Variants in ZFAND3 observed in about 807,000 individuals in gnomAD.
ZFAND3 encodes the protein zinc finger AN1-type containing 3, also known as AN1-type zinc finger protein 3.
In ZFAND3, 10 loss-of-function variants were observed where a neutral mutation model predicts 29.6. The ratio of observed to expected loss-of-function variants is 0.34; its 90% CI spans 0.21 to 0.57. The LOEUF (loss-of-function observed/expected upper bound fraction) is 0.57, where lower values mean the gene tolerates loss of function less well. ZFAND3 is among the 20% of genes least tolerant of loss of function. The pLI is 0.86. For missense variants in ZFAND3, 230 were observed against 304.5 expected (o/e 0.76, Z 1.82); for synonymous variants, 128 against 112.6 (o/e 1.14, Z -0.87).
At chr6:38,015,590 C>G (rs1262852793) in intron 2 of ZFAND3, among the ~76,000 whole-genome samples, 1 of 152,154 alleles carries the variant, frequency 6.6e-6, no homozygotes, top group African/African-American at 2.4e-5. Flanking sequence ...TGTTCATACC[C>G]TAGAACACTA....
chr6:38,130,567 G>T (rs566214019), intron 5 of ZFAND3, among the ~76,000 whole-genome samples: 1 of 152,266 alleles, frequency 6.6e-6, no homozygotes, highest in African/African-American at 2.4e-5. Context: ...CTACTGAGAT[G>T]ATCATGTGAT....
intron 2 of ZFAND3, among the ~76,000 whole-genome samples, chr6:38,060,618 A>AT (rs1183075360): frequency 6.6e-6 from 1 of 151,740 alleles, no homozygotes; most frequent in Non-Finnish European, 1.5e-5. Flanking sequence ...CCCTCAGCTC[A>AT]TTTTTTAAAA....
At chr6:37,831,454 G>A (rs1027506968) in intron 1 of ZFAND3, among the ~76,000 whole-genome samples, 9 of 152,308 alleles carry the variant, frequency 5.9e-5, no homozygotes, top group African/African-American at 2.2e-4. Flanking sequence ...AGCTATGCTA[G>A]GCAAGAGATA....
chr6:38,129,379 T>C (rs1311188542), intron 5 of ZFAND3, among the ~76,000 whole-genome samples: 2 of 152,254 alleles, frequency 1.3e-5, no homozygotes, highest in Non-Finnish European at 2.9e-5. Flanking sequence ...TTTTGGGTTA[T>C]TGGTCATGAA....
At chr6:38,096,392 C>T (rs962982668) in intron 4 of ZFAND3, among the ~76,000 whole-genome samples, 3 of 152,074 alleles carry the variant, frequency 2.0e-5, no homozygotes, top group Non-Finnish European at 2.9e-5. Context: ...AGGCTGATCT[C>T]GAACTCCTGA....
Position 38,154,355 on chromosome 6 carries a change from C to T in ZFAND3, c.*1966C>T, listed in dbSNP as rs1026634897. The T allele has an allele frequency of 3.4e-5, 33 of 978,366 alleles. No homozygotes were observed. The highest frequency in any genetic ancestry group is 2.9e-4 in the African/African-American group (16 of 54,786). The allele number at this position is 978,366 out of a possible 1,614,324, so 60.6% of individuals were successfully genotyped here. A position where few individuals can be genotyped will look rare whatever the true frequency, so the allele number is the denominator to read the frequency against. ...GGCCTGGGGGAGCGAAGCCCATGTTCGCTTCCTGACTTAGAGCTGGGGGGG... is the reference window on the plus strand; with the variant it reads ...GGCCTGGGGGAGCGAAGCCCATGTTTGCTTCCTGACTTAGAGCTGGGGGGG... On this transcript the variant is annotated 3_prime_UTR_variant, in exon 6 of 6. Transcript: ENST00000287218.
At chr6:38,031,962 G>C (rs1763570278) in intron 2 of ZFAND3, among the ~76,000 whole-genome samples, 1 of 151,606 alleles carries the variant, frequency 6.6e-6, no homozygotes. Flanking sequence ...CTCCCAAGTA[G>C]CTGGGACTAC....
At chr6:37,880,710 T>TTTA (rs1764876602) in intron 1 of ZFAND3, among the ~76,000 whole-genome samples, 1 of 151,796 alleles carries the variant, frequency 6.6e-6, no homozygotes, top group Non-Finnish European at 1.5e-5. Flanking sequence ...AGCTGTATAG[T>TTTA]TCTGAATCAC....
rs1189565798 is a variant in ZFAND3, at chr6:38,154,508, TAC to T, written c.*2125_*2126del. ...AACCCTTTTGTGTTCTAGATTTACT[TAC>T]ACACATAGCCTAGAGCTCAGTTTTA... On this transcript the variant is annotated 3_prime_UTR_variant, in exon 6 of 6. Coordinates refer to ENST00000287218, the MANE Select transcript of ZFAND3 (RefSeq NM_021943.3). The T allele has an allele frequency of 1.0e-6, 1 of 980,114 alleles. No homozygotes were observed. The highest frequency in any genetic ancestry group is 1.2e-6 in the Non-Finnish European group (1 of 824,818). The allele number at this position is 980,114 out of a possible 1,614,324, so 60.7% of individuals were successfully genotyped here.
intron 2 of ZFAND3, among the ~76,000 whole-genome samples, chr6:38,052,040 TAG>T (rs527660464): frequency 1.2e-3 from 187 of 152,316 alleles, no homozygotes; most frequent in Middle Eastern, 3.4e-3. Flanking sequence ...GTGAAGAATC[TAG>T]AGAATGTATA....
chr6:38,063,608 C>CT (rs1188417974), intron 3 of ZFAND3, among the ~76,000 whole-genome samples: 1 of 152,150 alleles, frequency 6.6e-6, no homozygotes, highest in Admixed American at 6.5e-5. Flanking sequence ...GGTGAAGAGA[C>CT]ATACTAGACA....
chr6:37,848,691 G>A (rs1764225206), intron 1 of ZFAND3, among the ~76,000 whole-genome samples: 1 of 152,210 alleles, frequency 6.6e-6, no homozygotes, highest in Non-Finnish European at 1.5e-5. Flanking sequence ...AGAGAGAGCT[G>A]TCTCGCTTAG....
chr6:38,028,977 T>C, intron 2 of ZFAND3, among the ~76,000 whole-genome samples: 1 of 152,208 alleles, frequency 6.6e-6, no homozygotes. Context: ...TGACCTTGTC[T>C]CTCATTACAG....
chr6:37,896,562 C>CTTTCTTTCTT (rs1554153806), intron 1 of ZFAND3, among the ~76,000 whole-genome samples: 1 of 135,340 alleles, frequency 7.4e-6, no homozygotes, highest in African/African-American at 2.8e-5. Flanking sequence ...TTCTTTCTTT[C>CTTTCTTTCTT]TTTCTTTCTC....
At chr6:38,066,324 G>A (rs1202080680) in intron 3 of ZFAND3, among the ~76,000 whole-genome samples, 1 of 152,204 alleles carries the variant, frequency 6.6e-6, no homozygotes, top group East Asian at 1.9e-4. Flanking sequence ...TCTACATCTT[G>A]CAAATTTTTT....
chr6:38,152,485 G>T lies in ZFAND3; in HGVS notation c.*96G>T. On this transcript the variant is annotated 3_prime_UTR_variant, in exon 6 of 6. Coordinates refer to ENST00000287218, the MANE Select transcript of ZFAND3 (RefSeq NM_021943.3). ...GCCAGACACCTTGTACTGGGCACGC[G>T]TCAGACTGCAGCCAGTCCGTTTCCT... 1 of 1,403,912 alleles carries T rather than the reference G, an allele frequency of 7.1e-7. No individual in the cohort carries two copies. Among genetic ancestry groups the T allele is most frequent in the Admixed American group, 2.7e-5 (1 of 36,508 alleles). The allele number at this position is 1,403,912 out of a possible 1,614,324, so 87.0% of individuals were successfully genotyped here. A position where few individuals can be genotyped will look rare whatever the true frequency, so the allele number is the denominator to read the frequency against.
chr6:37,850,215 A>G (rs1368127084), intron 1 of ZFAND3, among the ~76,000 whole-genome samples: 1 of 152,194 alleles, frequency 6.6e-6, no homozygotes, highest in East Asian at 1.9e-4. Context: ...GTTTTATTTC[A>G]GTTGAAGCTC....
chr6:38,048,647 TTTA>T (rs1357222068), intron 2 of ZFAND3, among the ~76,000 whole-genome samples: 22 of 106,434 alleles, frequency 2.1e-4, no homozygotes, highest in African/African-American at 8.0e-4. Flanking sequence ...CAATGCCTGT[TTTA>T]TGAGGGGCAG....
At chr6:38,050,751 A>G (rs755321246) in intron 2 of ZFAND3, among the ~76,000 whole-genome samples, 1 of 152,348 alleles carries the variant, frequency 6.6e-6, no homozygotes, top group East Asian at 1.9e-4. Flanking sequence ...CCCTGGGACT[A>G]TAGGCGTGCA....
Sources: gnomAD v4.1 joint callset for allele counts (sites outside exome capture counted in the v4.1 genomes callset) on GRCh38, gnomAD v4.1.1 for gene constraint, MANE v1.5 for transcripts, NCBI Gene and HGNC (gene_info 2026-07-23, HGNC 2026-07-21) for gene names.